Variants in MCTP2 observed in about 807,000 individuals in gnomAD.
MCTP2 encodes the protein multiple C2 and transmembrane domain-containing protein 2.
Under a neutral mutation model 111.6 loss-of-function variants are expected in MCTP2, and 132 were observed. That is an observed-to-expected ratio of 1.18 (90% confidence interval 1.03 to 1.37). The LOEUF (loss-of-function observed/expected upper bound fraction) is 1.37. Ranked by LOEUF, MCTP2 falls within the 40% of genes most tolerant of loss-of-function variation. MCTP2 has a pLI of 0.00. For synonymous variants in MCTP2, 395 were observed against 387.7 expected (o/e 1.02, Z -0.22); for missense variants, 1,183 against 1,067.9 (o/e 1.11, Z -1.50).
At chr15:94,260,790 A>C (rs147838575) in intron 1 of MCTP2, among the ~76,000 whole-genome samples, 1 of 152,192 alleles carries the variant, frequency 6.6e-6, no homozygotes, top group Non-Finnish European at 1.5e-5. Flanking sequence ...AGCCAACGGC[A>C]TTCCAACGTT....
chr15:94,298,090 G>GT, intron 1 of MCTP2, 111 bp from the exon 2 acceptor site: 1 of 498,714 alleles, frequency 2.0e-6, no homozygotes, highest in Admixed American at 3.8e-5. Flanking sequence ...ATTGGAAACT[G>GT]TAAGATTTTT....
At chr15:94,264,108 A>T (rs948971182) in intron 1 of MCTP2, among the ~76,000 whole-genome samples, 1 of 152,132 alleles carries the variant, frequency 6.6e-6, no homozygotes, top group Non-Finnish European at 1.5e-5. Flanking sequence ...TGAACAAGTG[A>T]ATCACCTTTG....
rs758865681 is a variant in MCTP2, at chr15:94,356,176, A to C, written c.1045A>C (p.Lys349Gln). The C allele has an allele frequency of 2.3e-5, 37 of 1,612,264 alleles. No homozygotes were observed. The highest frequency in any genetic ancestry group is 3.1e-5 in the Non-Finnish European group (36 of 1,179,228). ...IRNLRLSESLKKNQLWNGIIS... is the reference protein window; with the variant it reads ...IRNLRLSESLQKNQLWNGIIS... Reference sequence around the variant, plus strand: ...CAACCTACGGCTCTCTGAGTCCTTGAAAAAGAACCAACTCTGGAACGGGAT... The same window carrying C: ...CAACCTACGGCTCTCTGAGTCCTTGCAAAAGAACCAACTCTGGAACGGGAT... Residue 349 changes from lysine to glutamine, a missense_variant, in exon 9 of 23, where the codon AAA (lysine) becomes CAA (glutamine). Lys to Gln is a moderately conservative substitution (Grantham distance 53). Transcript: ENST00000357742.
intron 21 of MCTP2, among the ~76,000 whole-genome samples, chr15:94,472,529 T>A (rs2074013526): frequency 1.3e-5 from 2 of 152,210 alleles, no homozygotes; most frequent in African/African-American, 4.8e-5. Context: ...TCCAACAACT[T>A]TTTGCATCTA....
intron 19 of MCTP2, among the ~76,000 whole-genome samples, chr15:94,444,391 A>T (rs367670973): frequency 6.6e-6 from 1 of 152,184 alleles, no homozygotes; most frequent in African/African-American, 2.4e-5. Context: ...ATGTTTGGGC[A>T]TTGGTGTTTA....
At chr15:94,256,338 A>G (rs2152274563) in intron 1 of MCTP2, among the ~76,000 whole-genome samples, 2 of 152,332 alleles carry the variant, frequency 1.3e-5, no homozygotes, top group South Asian at 4.1e-4. Flanking sequence ...ATCTACAAAA[A>G]TCTGAAATCA....
intron 4 of MCTP2, among the ~76,000 whole-genome samples, chr15:94,317,732 G>A (rs2076437309): frequency 6.6e-6 from 1 of 152,152 alleles, no homozygotes; most frequent in South Asian, 2.1e-4. Context: ...ATTCTTTCAT[G>A]AACTGATCTC....
At chr15:94,462,963 G>T (rs2085306247) in intron 20 of MCTP2, among the ~76,000 whole-genome samples, 1 of 152,182 alleles carries the variant, frequency 6.6e-6, no homozygotes, top group South Asian at 2.1e-4. Context: ...TAAACCCAGG[G>T]AATGTCCCCT....
intron 4 of MCTP2, among the ~76,000 whole-genome samples, chr15:94,326,822 C>T (rs1333124958): frequency 2.6e-4 from 24 of 92,842 alleles, no homozygotes; most frequent in South Asian, 1.1e-3. Flanking sequence ...CGCCCCACCC[C>T]CCCCCAACCT....
intron 19 of MCTP2, among the ~76,000 whole-genome samples, 179 bp from the exon 20 acceptor site, chr15:94,457,958 A>C (rs2084938682): frequency 6.6e-6 from 1 of 151,900 alleles, no homozygotes; most frequent in African/African-American, 2.4e-5. Context: ...GGTAGCATCT[A>C]AGTGACTGAA....
chr15:94,456,324 G>A (rs1251179015), intron 19 of MCTP2, among the ~76,000 whole-genome samples: 1 of 151,958 alleles, frequency 6.6e-6, no homozygotes, highest in Non-Finnish European at 1.5e-5. Flanking sequence ...TGTTTCACAG[G>A]GAAAAAAAAT....
At chr15:94,444,425 C>G (rs2084003798) in intron 19 of MCTP2, among the ~76,000 whole-genome samples, 1 of 152,212 alleles carries the variant, frequency 6.6e-6, no homozygotes, top group Non-Finnish European at 1.5e-5. Context: ...CCCCCTCTTC[C>G]TTCCCTGCAG....
At chr15:94,392,227 CCGGGTGTGGAGGCAGGTGCCTGT>C (rs1260866461) in intron 14 of MCTP2, among the ~76,000 whole-genome samples, 1 of 151,890 alleles carries the variant, frequency 6.6e-6, no homozygotes, top group East Asian at 1.9e-4. Context: ...AAAAAATTAG[CCGGGTGTGGAGGCAGGTGCCTGT>C]AGTCCCAGCT....
intron 1 of MCTP2, among the ~76,000 whole-genome samples, chr15:94,242,501 G>GT (rs2152226051): frequency 6.6e-6 from 1 of 152,068 alleles, no homozygotes; most frequent in South Asian, 2.1e-4. Context: ...CACTGCTGAG[G>GT]TTTTTTTCTA....
At chr15:94,315,660 T>A in intron 4 of MCTP2, 23 bp downstream of exon 4, 1 of 1,559,390 alleles carries the variant, frequency 6.4e-7, no homozygotes, top group Non-Finnish European at 8.8e-7. Flanking sequence ...TCTGTTATGG[T>A]GGGTGTAGCC....
chr15:94,254,087 G>T (rs1406873395), intron 1 of MCTP2, among the ~76,000 whole-genome samples: 1 of 152,138 alleles, frequency 6.6e-6, no homozygotes, highest in African/African-American at 2.4e-5. Context: ...AACAGCAAAT[G>T]TTTTCGTCAT....
intron 17 of MCTP2, among the ~76,000 whole-genome samples, chr15:94,438,393 G>T (rs901525897): frequency 4.6e-5 from 7 of 152,114 alleles, no homozygotes; most frequent in Admixed American, 3.9e-4. Context: ...CTTTGGAAAT[G>T]AGAGGAATAG....
intron 4 of MCTP2, among the ~76,000 whole-genome samples, chr15:94,325,337 C>T (rs751267490): frequency 6.6e-6 from 1 of 151,994 alleles, no homozygotes; most frequent in Non-Finnish European, 1.5e-5. Context: ...TTACTATTGC[C>T]GTGTGAATTG....
At position 94,307,844 on chromosome 15, in the gene MCTP2, C is replaced by T. The variant is rs537732527; in HGVS notation, c.466-6438C>T. On this transcript the variant is annotated intron_variant, in intron 2 of 22. Coordinates refer to ENST00000357742, the MANE Select transcript of MCTP2 (RefSeq NM_001385001.1). ...TCTCTGACTTTGTCCTGGTCACTTT[C>T]GGTGGGGAATGTTGGAGGGAGCTAA... Among the ~76,000 whole-genome samples the T allele has an allele frequency of 7.9e-5, 12 of 152,200 alleles. No individual in the cohort carries two copies. The South Asian group carries it at 1.7e-3, about 21-fold the overall frequency.
Sources: gnomAD v4.1 joint callset for allele counts (sites outside exome capture counted in the v4.1 genomes callset) on GRCh38, gnomAD v4.1.1 for gene constraint, MANE v1.5 for transcripts, NCBI Gene and HGNC (gene_info 2026-07-23, HGNC 2026-07-21) for gene names.